FAM117A: variants seen among roughly 807,000 people sequenced by gnomAD.
FAM117A encodes the protein family with sequence similarity 117 member A.
Under a neutral mutation model 44.1 loss-of-function variants are expected in FAM117A, and 21 were observed. That is an observed-to-expected ratio of 0.48 (90% confidence interval 0.34 to 0.69). The LOEUF is 0.69. Among genes scored for constraint, FAM117A ranks in the 30% least tolerant of loss-of-function variants. FAM117A has a pLI of 0.01. For missense variants in FAM117A, 498 were observed against 589.9 expected, an observed-to-expected ratio of 0.84 and a Z score of 1.61; for synonymous variants, 220 against 238.3, an observed-to-expected ratio of 0.92 and a Z score of 0.71.
At chr17:49,767,720 T>C (rs938535077), upstream of FAM117A, among the ~76,000 whole-genome samples, 10 of 152,196 alleles carry the variant, frequency 6.6e-5, no homozygotes, top group East Asian at 5.8e-4. Context: ...CTGGCCAAGA[T>C]GGTGAAATCC....
chr17:49,711,463 T>G lies in FAM117A; in HGVS notation c.1154A>C (p.Asn385Thr), dbSNP rs1598016483. Residue 385 changes from asparagine to threonine, a missense_variant, in exon 8 of 8, where the codon AAC (asparagine) becomes ACC (threonine). By Grantham distance (65) the Asn-to-Thr change is moderately conservative. Around this residue, in one of 3 missense-constraint regions of FAM117A, gnomAD observed 224 missense variants for 296.5 expected, o/e 0.76. Coordinates refer to ENST00000240364, the MANE Select transcript of FAM117A (RefSeq NM_030802.4). ...NPTGSAFCPV[N>T]LMKPLFPGMG... Reference sequence around the variant, plus strand: ...GCCGGGGAAGAGGGGCTTCATCAGGTTGACGGGGCAGAAGGCTGAGCCAGT... The same window carrying G: ...GCCGGGGAAGAGGGGCTTCATCAGGGTGACGGGGCAGAAGGCTGAGCCAGT... The G allele has an allele frequency of 6.2e-7, 1 of 1,614,004 alleles. No individual in the cohort carries two copies. The highest frequency in any genetic ancestry group is 8.5e-7 in the Non-Finnish European group (1 of 1,180,000).
At position 49,722,557 on chromosome 17, in the gene FAM117A, G is replaced by C. The variant is rs769401065; in HGVS notation, c.404C>G (p.Ala135Gly). ...LSWQELEGER[A>G]SSCAHKRSAS... ...TGAGCGCTTGTGTGCACAGGAACTG[G>C]CACGCTCACCTTCTAGCTCTTGCCA... The change falls in exon 3 of 8, where the codon GCC (alanine) becomes GGC (glycine). Residue 135 changes from alanine (A) to glycine (G), a missense_variant. By Grantham distance (60) the Ala-to-Gly change is moderately conservative. Coordinates refer to ENST00000240364, the MANE Select transcript of FAM117A (RefSeq NM_030802.4). 6.2e-7 allele frequency: 1 copy of C among 1,613,912 alleles called. No homozygotes were observed. Among genetic ancestry groups the C allele is most frequent in the South Asian group, 1.1e-5 (1 of 91,032 alleles).
intron 1 of FAM117A, among the ~76,000 whole-genome samples, chr17:49,771,917 A>G (rs2073762011): frequency 1.3e-5 from 2 of 152,112 alleles, no homozygotes. Context: ...AAGCTACAAT[A>G]TATCTTTGAC....
chr17:49,719,616 T>C (rs2073523612), intron 5 of FAM117A, 144 bp downstream of exon 5: 9 of 1,024,438 alleles, frequency 8.8e-6, no homozygotes, highest in Non-Finnish European at 1.2e-5. Context: ...TCCATTTGCA[T>C]TCCTTTTGCA....
chr17:49,722,587 A>G lies in FAM117A; in HGVS notation c.374T>C (p.Leu125Pro). The G allele has an allele frequency of 6.2e-7, 1 of 1,613,718 alleles. No homozygotes were observed. The highest frequency in any genetic ancestry group is 8.5e-7 in the Non-Finnish European group (1 of 1,179,818). The change falls in exon 3 of 8, where the codon CTG (leucine) becomes CCG (proline). Residue 125 changes from leucine (L) to proline (P), a missense_variant. Leu to Pro is a moderately conservative substitution (Grantham distance 98). Around this residue, in one of 3 missense-constraint regions of FAM117A, gnomAD observed 270 missense variants for 277.4 expected, o/e 0.97. Transcript: ENST00000240364. ...CTNDKATQTP[L>P]SWQELEGERA... ...CTCACCTTCTAGCTCTTGCCAGGAC[A>G]GGGGCGTCTGCAGGGAGAGAAACAC...
intron 1 of FAM117A, among the ~76,000 whole-genome samples, chr17:49,736,325 C>T (rs542005449): frequency 7.5e-4 from 113 of 151,350 alleles, no homozygotes; most frequent in Non-Finnish European, 1.2e-3. Flanking sequence ...GGCACAAGCT[C>T]GGCTTACTGC....
chr17:49,746,230 G>A (rs1310171448), intron 1 of FAM117A, among the ~76,000 whole-genome samples: 1 of 152,148 alleles, frequency 6.6e-6, no homozygotes, highest in East Asian at 1.9e-4. Context: ...AATGAGTCTA[G>A]GTGAAAGATA....
At chr17:49,712,261 C>T (rs1304918906) in intron 7 of FAM117A, among the ~76,000 whole-genome samples, 2 of 152,186 alleles carry the variant, frequency 1.3e-5, no homozygotes, top group African/African-American at 4.8e-5. Context: ...AGCCTTGGCA[C>T]CACTGACATT....
intron 1 of FAM117A, among the ~76,000 whole-genome samples, chr17:49,779,971 C>CTT (rs1465034311): frequency 6.6e-6 from 1 of 152,218 alleles, no homozygotes; most frequent in African/African-American, 2.4e-5. Flanking sequence ...TCGTTCTTAA[C>CTT]TTCTGAGATT....
intron 7 of FAM117A, among the ~76,000 whole-genome samples, chr17:49,712,184 GT>G (rs149124705): frequency 0.037 from 5,696 of 152,282 alleles, 362 homozygotes; most frequent in African/African-American, 0.13. Context: ...AGTGAATGGT[GT>G]TTTTGGGGAC....
At position 49,722,136 on chromosome 17, in the gene FAM117A, G is replaced by C. The variant is rs1397254648; in HGVS notation, c.462+363C>G. On this transcript the variant is annotated intron_variant, in intron 3 of 7. Coordinates refer to ENST00000240364, the MANE Select transcript of FAM117A (RefSeq NM_030802.4). ...AACAAAAAACTAGATGAGTAGTTAA[G>C]AAGTAAATGAGGCTGGGAGCTCCTA... Among the ~76,000 whole-genome samples, 10 of 152,264 alleles carry C rather than the reference G, an allele frequency of 6.6e-5. No individual in the cohort carries two copies. In the South Asian group the frequency reaches 1.7e-3, roughly 25 times the overall value.
intron 1 of FAM117A, among the ~76,000 whole-genome samples, chr17:49,784,506 A>T (rs2073799560): frequency 6.6e-6 from 1 of 152,178 alleles, no homozygotes; most frequent in East Asian, 1.9e-4. Flanking sequence ...ACTCTGCATG[A>T]ACTGGTTCCC....
intron 1 of FAM117A, among the ~76,000 whole-genome samples, chr17:49,741,720 A>G (rs1306574558): frequency 1.3e-5 from 2 of 152,190 alleles, no homozygotes; most frequent in African/African-American, 4.8e-5. Flanking sequence ...TTCCCCAATA[A>G]CAGGTTTGCA....
chr17:49,788,786 T>C, upstream of FAM117A: 1 of 1,560,796 alleles, frequency 6.4e-7, no homozygotes, highest in Non-Finnish European at 8.7e-7. Flanking sequence ...CCGTTCCTGC[T>C]GCTGCCGCCG....
Position 49,711,461 on chromosome 17 carries a change from G to A in FAM117A, c.1156C>T (p.Leu386=). ...PTGSAFCPVN[L]MKPLFPGMGF... is the part of the protein sequence containing the mutation. The stretch of plus-strand genomic sequence containing the variant: ...ATGCCGGGGAAGAGGGGCTTCATCA[G>A]GTTGACGGGGCAGAAGGCTGAGCCA... The change falls in exon 8 of 8, where the codon CTG becomes TTG. Residue 386 remains leucine (L), a synonymous_variant. Transcript: ENST00000240364. The A allele has an allele frequency of 6.2e-7, 1 of 1,614,110 alleles. No individual in the cohort carries two copies. Among genetic ancestry groups the A allele is most frequent in the Admixed American group, 1.7e-5 (1 of 60,032 alleles).
chr17:49,734,425 T>C (rs531135024), intron 1 of FAM117A, among the ~76,000 whole-genome samples: 1 of 148,972 alleles, frequency 6.7e-6, no homozygotes, highest in African/African-American at 2.5e-5. Flanking sequence ...ACCCCGTCTC[T>C]AAAAACAAAA....
intron 1 of FAM117A, among the ~76,000 whole-genome samples, chr17:49,740,341 C>T (rs2073628414): frequency 6.6e-6 from 1 of 152,076 alleles, no homozygotes; most frequent in South Asian, 2.1e-4. Flanking sequence ...GCTCCGCCTC[C>T]CGGGTTCACG....
intron 1 of FAM117A, among the ~76,000 whole-genome samples, chr17:49,740,395 G>A (rs369202765): frequency 2.0e-5 from 3 of 151,952 alleles, no homozygotes; most frequent in East Asian, 1.9e-4. Flanking sequence ...GACTACAGGC[G>A]CCCACCACCG....
At chr17:49,767,028 T>C (rs2073747614), upstream of FAM117A, among the ~76,000 whole-genome samples, 1 of 152,196 alleles carries the variant, frequency 6.6e-6, no homozygotes, top group South Asian at 2.1e-4. Context: ...TCCTGATAAG[T>C]TGCTGGCAAG....
Sources: allele counts gnomAD v4.1 joint callset (sites outside exome capture counted in the v4.1 genomes callset), GRCh38; gene constraint gnomAD v4.1.1; regional missense constraint gnomAD v4.1.1; transcripts MANE v1.5; gene names NCBI Gene and HGNC (gene_info 2026-07-23, HGNC 2026-07-21).